METAP1D: variants seen among roughly 807,000 people sequenced by gnomAD.
The protein encoded by METAP1D is methionine aminopeptidase 1D, mitochondrial.
In METAP1D, 31 loss-of-function variants were observed where a neutral mutation model predicts 40.5. The observed-to-expected ratio is 0.77, with a 90% CI of 0.58 to 1.03. The LOEUF (loss-of-function observed/expected upper bound fraction) is 1.03, where lower values mean the gene tolerates loss of function less well. Among genes scored for constraint, METAP1D ranks in the 50% least tolerant of loss-of-function variants. The pLI, the probability that METAP1D is intolerant of heterozygous loss-of-function variation, is 0.00. For synonymous variants in METAP1D, 151 were observed against 146.4 expected, an observed-to-expected ratio of 1.03 and a Z score of -0.22; for missense variants, 411 against 420.7, an observed-to-expected ratio of 0.98 and a Z score of 0.20.
rs1190518162 is a variant in METAP1D, at chr2:172,080,925, A to G, written c.*519A>G. 6.1e-6 allele frequency: 1 copy of G among 164,352 alleles called. No homozygotes were observed. Among genetic ancestry groups the G allele is most frequent in the African/African-American group, 2.4e-5 (1 of 41,510 alleles). 10.2% of individuals were successfully genotyped at this position (164,352 alleles called of 1,614,324 possible). On this transcript the variant is annotated 3_prime_UTR_variant, in exon 10 of 10. Coordinates refer to ENST00000315796, the MANE Select transcript of METAP1D (RefSeq NM_199227.3). ...GGCCGGCCCCAAGGATGCTCGCAGA[A>G]GCCAGCCCCCAACCCCAGCCCTTCC...
intron 1 of METAP1D, 49 bp downstream of exon 1, chr2:172,000,058 A>AGGTACGCACCCGGGTCCAAAGG: frequency 7.9e-7 from 1 of 1,267,500 alleles, no homozygotes; most frequent in Non-Finnish European, 1.0e-6. Context: ...GTTGCTCACT[A>AGGTACGCACCCGGGTCCAAAGG]GGTACGCACC....
At chr2:172,020,701 G>T (rs529287313) in intron 1 of METAP1D, among the ~76,000 whole-genome samples, 3 of 152,292 alleles carry the variant, frequency 2.0e-5, no homozygotes, top group South Asian at 2.1e-4. Context: ...AAGTATTTTA[G>T]AAGGTGATAA....
At chr2:172,025,876 A>G (rs904962943) in intron 1 of METAP1D, among the ~76,000 whole-genome samples, 2 of 152,150 alleles carry the variant, frequency 1.3e-5, no homozygotes, top group Admixed American at 6.5e-5. Flanking sequence ...TCCCTCCTCC[A>G]AGGTGATATG....
intron 1 of METAP1D, among the ~76,000 whole-genome samples, chr2:172,041,013 G>A (rs1319602008): frequency 1.3e-5 from 2 of 151,348 alleles, no homozygotes; most frequent in Admixed American, 1.3e-4. Context: ...TGATCCGCCC[G>A]CCTCGGCCTC....
At chr2:172,021,316 G>T (rs1014884504) in intron 1 of METAP1D, among the ~76,000 whole-genome samples, 4 of 152,196 alleles carry the variant, frequency 2.6e-5, no homozygotes, top group Admixed American at 1.3e-4. Context: ...AAGAGAAGCA[G>T]TCTGTTTCTG....
intron 1 of METAP1D, among the ~76,000 whole-genome samples, chr2:172,045,819 GTATA>G (rs796640775): frequency 1.6e-3 from 24 of 15,178 alleles, no homozygotes; most frequent in Middle Eastern, 0.045. Flanking sequence ...GTGTGTGTGT[GTATA>G]TATATATATA....
chr2:172,011,101 A>G (rs1688710004), intron 1 of METAP1D, among the ~76,000 whole-genome samples: 1 of 151,650 alleles, frequency 6.6e-6, no homozygotes, highest in East Asian at 1.9e-4. Context: ...TTCACAGTCC[A>G]TACAGTTCAC....
At chr2:172,073,688 AC>A (rs1690477415) in intron 6 of METAP1D, among the ~76,000 whole-genome samples, 1 of 152,202 alleles carries the variant, frequency 6.6e-6, no homozygotes, top group Admixed American at 6.6e-5. Flanking sequence ...GTTTCTGGAC[AC>A]CTATTATCTT....
chr2:172,017,185 G>T (rs1283499220), intron 1 of METAP1D, among the ~76,000 whole-genome samples: 1 of 149,142 alleles, frequency 6.7e-6, no homozygotes, highest in African/African-American at 2.5e-5. Flanking sequence ...TTTCATTTCT[G>T]TTGCCATATT....
chr2:172,048,948 T>G (rs1689822798), intron 1 of METAP1D, among the ~76,000 whole-genome samples: 1 of 152,172 alleles, frequency 6.6e-6, no homozygotes, highest in South Asian at 2.1e-4. Context: ...TTTTGGTGGT[T>G]GGGGTGGTTT....
chr2:172,049,327 C>A (rs1013485199), intron 1 of METAP1D, among the ~76,000 whole-genome samples: 14 of 150,590 alleles, frequency 9.3e-5, no homozygotes, highest in Non-Finnish European at 1.9e-4. Flanking sequence ...ACATTCATAT[C>A]CTTAAATATA....
At chr2:172,014,802 G>A (rs760238164) in intron 1 of METAP1D, among the ~76,000 whole-genome samples, 10 of 151,988 alleles carry the variant, frequency 6.6e-5, no homozygotes, top group Admixed American at 1.3e-4. Flanking sequence ...ACAGGCGCCC[G>A]CCAGCACACC....
At chr2:172,077,661 A>G in intron 6 of METAP1D, 136 bp from the exon 7 acceptor site, 1 of 533,258 alleles carries the variant, frequency 1.9e-6, no homozygotes, top group Non-Finnish European at 3.4e-6. Context: ...ATGAAAACAC[A>G]TGAATGTTAT....
In METAP1D at chr2:172,065,711, T is replaced by C. The variant is rs1405026903; in HGVS notation, c.456T>C (p.Cys152=). The change falls in exon 4 of 10, where the codon TGT becomes TGC. Residue 152 remains cysteine (C), a synonymous_variant. Coordinates refer to ENST00000315796, the MANE Select transcript of METAP1D (RefSeq NM_199227.3). ...LGYGGFPKSV[C]TSVNNVLCHG... is the part of the protein sequence containing the mutation. ...ATGGAGGTTTTCCAAAATCTGTTTGTACCTCTGTAAACAACGTGCTCTGTC... is the reference window on the plus strand; with the variant it reads ...ATGGAGGTTTTCCAAAATCTGTTTGCACCTCTGTAAACAACGTGCTCTGTC... 1.9e-6 allele frequency: 3 copies of C among 1,613,904 alleles called. No homozygotes were observed. Among genetic ancestry groups the C allele is most frequent in the Admixed American group, 1.7e-5 (1 of 60,010 alleles).
intron 1 of METAP1D, among the ~76,000 whole-genome samples, chr2:172,010,493 CTTT>C (rs759651661): frequency 2.3e-3 from 207 of 88,970 alleles, no homozygotes; most frequent in East Asian, 7.5e-3. Flanking sequence ...CTTCTTTCCT[CTTT>C]TTTTTTTTTT....
chr2:172,022,232 C>G (rs1034535910), intron 1 of METAP1D, among the ~76,000 whole-genome samples: 5 of 152,128 alleles, frequency 3.3e-5, no homozygotes, highest in Non-Finnish European at 5.9e-5. Flanking sequence ...GTTGAGTCGC[C>G]GGATCCCCAA....
intron 1 of METAP1D, among the ~76,000 whole-genome samples, chr2:172,024,383 A>G (rs1475783021): frequency 6.6e-6 from 1 of 152,102 alleles, no homozygotes; most frequent in African/African-American, 2.4e-5. Context: ...TACCCACCTC[A>G]TACTTTCTCT....
intron 1 of METAP1D, among the ~76,000 whole-genome samples, chr2:172,022,637 T>G (rs1689032650): frequency 1.3e-5 from 2 of 152,304 alleles, no homozygotes; most frequent in East Asian, 3.9e-4. Flanking sequence ...AGATTTGGAA[T>G]CATAATAAAA....
intron 1 of METAP1D, among the ~76,000 whole-genome samples, chr2:172,045,554 G>C (rs1282994107): frequency 1.3e-5 from 2 of 149,208 alleles, no homozygotes; most frequent in African/African-American, 4.9e-5. Flanking sequence ...CCAGCTACTC[G>C]GTAGGCTGAG....
Sources: gnomAD v4.1 joint callset for allele counts (sites outside exome capture counted in the v4.1 genomes callset) on GRCh38, gnomAD v4.1.1 for gene constraint, MANE v1.5 for transcripts, NCBI Gene and HGNC (gene_info 2026-07-23, HGNC 2026-07-21) for gene names.